Variants in ANKFN1 observed in about 807,000 individuals in gnomAD.
The protein encoded by ANKFN1 is ankyrin repeat and fibronectin type-III domain-containing protein 1.
A neutral mutation model predicts 108.7 loss-of-function variants in ANKFN1; 74 were observed. The observed-to-expected ratio is 0.68, with a 90% CI of 0.56 to 0.83. The LOEUF (loss-of-function observed/expected upper bound fraction) is 0.83. Ranked by LOEUF, ANKFN1 falls within the 40% of genes least tolerant of loss-of-function variation. The pLI is 0.00. For synonymous variants in ANKFN1, 547 were observed against 516.2 expected (o/e 1.06, Z -0.81); for missense variants, 1,505 against 1,382.3 (o/e 1.09, Z -1.41).
At chr17:56,168,824 G>A (rs1381813484) in intron 1 of ANKFN1, among the ~76,000 whole-genome samples, 1 of 152,206 alleles carries the variant, frequency 6.6e-6, no homozygotes, top group Non-Finnish European at 1.5e-5. Flanking sequence ...AATTGGAACA[G>A]TTACTTTAGA....
intron 15 of ANKFN1, among the ~76,000 whole-genome samples, chr17:56,467,833 AG>A: frequency 2.4e-5 from 1 of 42,228 alleles, no homozygotes; most frequent in Non-Finnish European, 4.4e-5. Context: ...AAAGAAAGAA[AG>A]AAAGAAAGAA....
At chr17:56,144,185 A>AAAAAAAAAAACTACT (rs1555600058) in intron 4 of ANKFN1, among the ~76,000 whole-genome samples, 1 of 99,232 alleles carries the variant, frequency 1.0e-5, no homozygotes. Context: ...AAAAAAAAAA[A>AAAAAAAAAAACTACT]CAGCCCAAAC....
At chr17:56,249,313 A>G (rs543586430) in intron 3 of ANKFN1, among the ~76,000 whole-genome samples, 1 of 152,244 alleles carries the variant, frequency 6.6e-6, no homozygotes, top group South Asian at 2.1e-4. Flanking sequence ...AGGTGCCTGT[A>G]ATCCCAGATA....
At chr17:56,059,224 A>G (rs570685553) in intron 4 of ANKFN1, among the ~76,000 whole-genome samples, 64 of 152,268 alleles carry the variant, frequency 4.2e-4, no homozygotes, top group African/African-American at 1.4e-3. Flanking sequence ...TTGGCCATGT[A>G]AATGTCTTCT....
chr17:56,229,866 A>T (rs1429241013), intron 3 of ANKFN1, among the ~76,000 whole-genome samples: 1 of 151,986 alleles, frequency 6.6e-6, no homozygotes, highest in Non-Finnish European at 1.5e-5. Context: ...AAATGGGTCT[A>T]CCCAGCTCCC....
intron 18 of ANKFN1, among the ~76,000 whole-genome samples, chr17:56,484,707 A>G (rs567020520): frequency 3.3e-5 from 5 of 152,378 alleles, no homozygotes; most frequent in African/African-American, 1.2e-4. Context: ...AGCCATGAAA[A>G]TGAATGATTT....
intron 1 of ANKFN1, among the ~76,000 whole-genome samples, chr17:56,205,468 C>G (rs1448421312): frequency 6.6e-6 from 1 of 152,222 alleles, no homozygotes; most frequent in Non-Finnish European, 1.5e-5. Flanking sequence ...CAAAGTTACT[C>G]ATAAGCCGTT....
At chr17:56,280,690 C>G (rs1057401246) in intron 3 of ANKFN1, among the ~76,000 whole-genome samples, 1 of 151,198 alleles carries the variant, frequency 6.6e-6, no homozygotes, top group Non-Finnish European at 1.5e-5. Flanking sequence ...CTGGCTAATA[C>G]AAAATCACGG....
chr17:56,344,763 C>G (rs1335776686), intron 4 of ANKFN1, among the ~76,000 whole-genome samples: 1 of 151,866 alleles, frequency 6.6e-6, no homozygotes, highest in Admixed American at 6.6e-5. Context: ...TCTAGAAAAC[C>G]CCCAGACAGA....
intron 3 of ANKFN1, among the ~76,000 whole-genome samples, chr17:56,271,083 C>T (rs1294515025): frequency 6.6e-6 from 1 of 152,092 alleles, no homozygotes; most frequent in African/African-American, 2.4e-5. Flanking sequence ...GATCTCATCT[C>T]ACTGCAACCT....
At position 56,514,132 on chromosome 17, in the gene ANKFN1, C is replaced by T. The variant is rs1490240910; in HGVS notation, c.*2863C>T. Among the ~76,000 whole-genome samples the T allele has an allele frequency of 6.6e-6, 1 of 152,138 alleles. No individual in the cohort carries two copies. Among genetic ancestry groups the T allele is most frequent in the East Asian group, 1.9e-4 (1 of 5,196 alleles). The stretch of plus-strand genomic sequence containing the variant: ...TCTTTTTTTAATCCAATATGAGAGC[C>T]TCTGAAGGAAACTGTCCCAGGTCTT... On this transcript the variant is annotated 3_prime_UTR_variant, in exon 21 of 21. Transcript: ENST00000682825.
chr17:56,174,666 C>G (rs1047755581), intron 1 of ANKFN1, among the ~76,000 whole-genome samples: 1 of 152,182 alleles, frequency 6.6e-6, no homozygotes, highest in Non-Finnish European at 1.5e-5. Flanking sequence ...CCAGAGAAGT[C>G]TCCAGGGACA....
chr17:56,156,683 G>A (rs9902839), intron 1 of ANKFN1: 3,669 of 152,332 alleles, frequency 0.024, 132 homozygotes, highest in African/African-American at 0.083. Context: ...GCTGGTTAAG[G>A]TCAGGGCTGT....
chr17:56,073,925 T>A (rs1037166596), intron 4 of ANKFN1, among the ~76,000 whole-genome samples: 4 of 152,222 alleles, frequency 2.6e-5, no homozygotes, highest in African/African-American at 9.6e-5. Flanking sequence ...TTTGGGTTGT[T>A]TCCACCTTTT....
intron 3 of ANKFN1, among the ~76,000 whole-genome samples, chr17:56,289,223 T>C (rs1032657190): frequency 6.6e-6 from 1 of 152,176 alleles, no homozygotes; most frequent in African/African-American, 2.4e-5. Flanking sequence ...TGCTTATAGT[T>C]CCTGAGAGTT....
intron 8 of ANKFN1, among the ~76,000 whole-genome samples, chr17:56,397,924 A>G (rs1023859913): frequency 1.4e-4 from 22 of 152,170 alleles, no homozygotes; most frequent in African/African-American, 4.6e-4. Context: ...TCAAACATCT[A>G]TAGAAACTTA....
In ANKFN1 at chr17:56,091,053, A is replaced by G. The variant is rs566131326; in HGVS notation, c.288+44728A>G. ...GCATCTTCAGGGCAGAGACTGGTGCACTATTTATTCTTGTTTTCCTCCCAG... is the reference window on the plus strand; with the variant it reads ...GCATCTTCAGGGCAGAGACTGGTGCGCTATTTATTCTTGTTTTCCTCCCAG... On this transcript the variant is annotated intron_variant, in intron 4 of 12. Transcript: ENST00000635860. Among the ~76,000 whole-genome samples the G allele has an allele frequency of 1.3e-3, 200 of 151,398 alleles. 7 individuals carry two copies. Among genetic ancestry groups the G allele is most frequent in the African/African-American group, 4.7e-3 (193 of 41,286 alleles).
At chr17:56,321,063 GAA>G (rs11332530) in intron 3 of ANKFN1, among the ~76,000 whole-genome samples, 4,499 of 114,246 alleles carry the variant, frequency 0.039, 179 homozygotes, top group African/African-American at 0.11. Flanking sequence ...TTTTCTTTAG[GAA>G]AAAAAAAAAA....
At chr17:56,319,645 A>G (rs1446148194) in intron 3 of ANKFN1, among the ~76,000 whole-genome samples, 5 of 152,198 alleles carry the variant, frequency 3.3e-5, no homozygotes, top group Non-Finnish European at 5.9e-5. Flanking sequence ...AATCTAGTGC[A>G]TCAAAGAATA....
Sources: allele counts gnomAD v4.1 joint callset (sites outside exome capture counted in the v4.1 genomes callset), GRCh38; gene constraint gnomAD v4.1.1; transcripts MANE v1.5; gene names NCBI Gene and HGNC (gene_info 2026-07-23, HGNC 2026-07-21).